FUT9: variants seen among roughly 807,000 people sequenced by gnomAD.
FUT9 encodes the protein 4-galactosyl-N-acetylglucosaminide 3-alpha-L-fucosyltransferase 9.
In FUT9, 15 loss-of-function variants were observed where a neutral mutation model predicts 29.7. The ratio of observed to expected loss-of-function variants is 0.51; its 90% CI spans 0.34 to 0.78. FUT9 has a LOEUF of 0.78. Among genes scored for constraint, FUT9 ranks in the 30% least tolerant of loss-of-function variants. FUT9 has a pLI of 0.01. For synonymous variants in FUT9, 169 were observed against 153.7 expected (o/e 1.10, Z -0.74); for missense variants, 319 against 425.4 (o/e 0.75, Z 2.20).
chr6:96,095,066 G>C (rs964142799), intron 1 of FUT9, among the ~76,000 whole-genome samples: 1 of 151,936 alleles, frequency 6.6e-6, no homozygotes, highest in Non-Finnish European at 1.5e-5. Flanking sequence ...TCCTCTTCGT[G>C]ATATGTGGTA....
At chr6:96,041,912 A>G (rs1208206625) in intron 1 of FUT9, among the ~76,000 whole-genome samples, 1 of 152,232 alleles carries the variant, frequency 6.6e-6, no homozygotes. Context: ...TATTATTTGT[A>G]GTAAGTTATG....
At chr6:96,107,136 T>C (rs1489553392) in intron 1 of FUT9, among the ~76,000 whole-genome samples, 1 of 152,178 alleles carries the variant, frequency 6.6e-6, no homozygotes, top group Non-Finnish European at 1.5e-5. Flanking sequence ...AAAACATTCA[T>C]GATTTATTTT....
chr6:96,056,910 A>G (rs936976943), intron 1 of FUT9, among the ~76,000 whole-genome samples: 6 of 152,204 alleles, frequency 3.9e-5, no homozygotes, highest in African/African-American at 9.7e-5. Context: ...ACATGCATTC[A>G]GTAGAAACCG....
chr6:96,030,168 C>T (rs1770236379), intron 1 of FUT9, among the ~76,000 whole-genome samples: 1 of 151,512 alleles, frequency 6.6e-6, no homozygotes, highest in Admixed American at 6.6e-5. Flanking sequence ...GAATACTCCA[C>T]CCAATAACAG....
In FUT9 at chr6:96,077,507, G is replaced by A. The variant is rs189164217; in HGVS notation, c.-97-36532G>A. Among the ~76,000 whole-genome samples, 265 of 152,110 alleles carry A rather than the reference G, an allele frequency of 1.7e-3. 1 individual carries two copies. The highest frequency in any genetic ancestry group is 2.8e-4 in the Non-Finnish European group (19 of 67,990). On this transcript the variant is annotated intron_variant, in intron 1 of 2. Coordinates refer to ENST00000302103, the MANE Select transcript of FUT9 (RefSeq NM_006581.4). ...AATTTTTAAAAACTCAAAATTATCT[G>A]GTAATCTATCGGCTTCTTCCCCCTC...
intron 1 of FUT9, among the ~76,000 whole-genome samples, chr6:96,016,862 G>A (rs1478739816): frequency 2.6e-5 from 4 of 152,214 alleles, no homozygotes; most frequent in Non-Finnish European, 4.4e-5. Context: ...GGGCTGTTAA[G>A]GGTATTATCA....
intron 1 of FUT9, among the ~76,000 whole-genome samples, chr6:96,108,952 C>A (rs1314350792): frequency 1.3e-5 from 2 of 152,176 alleles, no homozygotes; most frequent in Middle Eastern, 3.4e-3. Flanking sequence ...ATGGCCATAA[C>A]CCCTACCAAC....
intron 2 of FUT9, among the ~76,000 whole-genome samples, chr6:96,126,063 C>T (rs1772128165): frequency 6.6e-6 from 1 of 152,108 alleles, no homozygotes; most frequent in African/African-American, 2.4e-5. Context: ...CCTCTTCTAC[C>T]CCCAATAGTG....
At chr6:96,115,591 G>T (rs1032086974) in intron 2 of FUT9, among the ~76,000 whole-genome samples, 1 of 152,142 alleles carries the variant, frequency 6.6e-6, no homozygotes, top group Non-Finnish European at 1.5e-5. Context: ...TATTTCAAGT[G>T]CTCAGCTGTC....
At chr6:96,052,318 C>A (rs1223999873) in intron 1 of FUT9, among the ~76,000 whole-genome samples, 1 of 151,988 alleles carries the variant, frequency 6.6e-6, no homozygotes, top group African/African-American at 2.4e-5. Context: ...TGAGTGGTGA[C>A]ACAGTCAAAC....
At chr6:96,100,059 A>G (rs1435753726) in intron 1 of FUT9, among the ~76,000 whole-genome samples, 2 of 152,158 alleles carry the variant, frequency 1.3e-5, no homozygotes, top group Non-Finnish European at 2.9e-5. Flanking sequence ...GGTATTATTC[A>G]TTAAGATTTA....
intron 2 of FUT9, among the ~76,000 whole-genome samples, chr6:96,147,702 C>T (rs1451163297): frequency 4.6e-5 from 7 of 151,702 alleles, no homozygotes; most frequent in African/African-American, 1.7e-4. Flanking sequence ...ACTCTTCATC[C>T]TTTCTGTGCT....
intron 2 of FUT9, among the ~76,000 whole-genome samples, chr6:96,189,066 G>T (rs1773457266): frequency 6.6e-6 from 1 of 152,096 alleles, no homozygotes; most frequent in African/African-American, 2.4e-5. Flanking sequence ...TGTGTACTTG[G>T]GGTTTTGATT....
intron 2 of FUT9, among the ~76,000 whole-genome samples, chr6:96,159,239 AGTAGAT>A (rs71678290): frequency 0.14 from 22,012 of 152,022 alleles, 1,738 homozygotes; most frequent in Non-Finnish European, 0.18. Context: ...AAAAGACAGG[AGTAGAT>A]GTGAAGACAA....
At chr6:96,082,196 A>G (rs965626726) in intron 1 of FUT9, among the ~76,000 whole-genome samples, 4 of 151,322 alleles carry the variant, frequency 2.6e-5, no homozygotes, top group African/African-American at 9.7e-5. Context: ...TTGAGTTTGG[A>G]TTTTTTTTAT....
At chr6:96,166,026 G>A (rs979890083) in intron 2 of FUT9, among the ~76,000 whole-genome samples, 1 of 151,824 alleles carries the variant, frequency 6.6e-6, no homozygotes. Context: ...AATCCCCCAA[G>A]GACATATGGT....
chr6:96,068,370 T>C (rs1288517279), intron 1 of FUT9, among the ~76,000 whole-genome samples: 1 of 152,200 alleles, frequency 6.6e-6, no homozygotes, highest in East Asian at 1.9e-4. Flanking sequence ...ATCAGAGATA[T>C]ACTAGAAGAC....
chr6:96,088,571 T>C (rs1048979577), intron 1 of FUT9, among the ~76,000 whole-genome samples: 5 of 148,294 alleles, frequency 3.4e-5, no homozygotes, highest in African/African-American at 1.0e-4. Context: ...TGTGTGTGCG[T>C]GCGCGCGCGT....
chr6:96,058,396 T>C (rs1272366078), intron 1 of FUT9, among the ~76,000 whole-genome samples: 1 of 139,068 alleles, frequency 7.2e-6, no homozygotes, highest in African/African-American at 2.8e-5. Flanking sequence ...AAACCCCTTT[T>C]CACAAGCCCT....
Sources: gnomAD v4.1 joint callset for allele counts (sites outside exome capture counted in the v4.1 genomes callset) on GRCh38, gnomAD v4.1.1 for gene constraint, MANE v1.5 for transcripts, NCBI Gene and HGNC (gene_info 2026-07-23, HGNC 2026-07-21) for gene names.